Variants in KAZN observed in about 807,000 individuals in gnomAD.
KAZN encodes kazrin.
In KAZN, 40 loss-of-function variants were observed where a neutral mutation model predicts 87.4. The ratio of observed to expected loss-of-function variants is 0.46; its 90% CI spans 0.36 to 0.60. KAZN has a LOEUF of 0.60. Ranked by LOEUF, KAZN falls within the 20% of genes least tolerant of loss-of-function variation. The pLI is 0.00. For synonymous variants in KAZN, 466 were observed against 458.3 expected (o/e 1.02, Z -0.22); for missense variants, 898 against 1,073.9 (o/e 0.84, Z 2.29).
At chr1:13,914,942 C>A (rs958097972) in intron 1 of KAZN, among the ~76,000 whole-genome samples, 4 of 152,192 alleles carry the variant, frequency 2.6e-5, no homozygotes, top group African/African-American at 7.2e-5. Flanking sequence ...TCTATTGCAG[C>A]CTGAGACCCT....
At chr1:13,963,560 G>T (rs988169046) in intron 1 of KAZN, among the ~76,000 whole-genome samples, 9 of 151,984 alleles carry the variant, frequency 5.9e-5, no homozygotes, top group African/African-American at 2.2e-4. Context: ...TGTTCCTCTG[G>T]CTCCTTTATG....
At chr1:14,885,380 A>C (rs769612186) in intron 1 of KAZN, among the ~76,000 whole-genome samples, 15 of 151,954 alleles carry the variant, frequency 9.9e-5, no homozygotes, top group Non-Finnish European at 1.8e-4. Context: ...CTCTCCACCT[A>C]TTGAACTCCT....
At chr1:14,318,944 C>A (rs1655844630) in intron 2 of KAZN, among the ~76,000 whole-genome samples, 1 of 151,668 alleles carries the variant, frequency 6.6e-6, no homozygotes, top group Non-Finnish European at 1.5e-5. Context: ...TTAAAAACAA[C>A]TTTTAAAATC....
chr1:14,079,176 G>T (rs1318229015), intron 1 of KAZN, among the ~76,000 whole-genome samples: 3 of 152,228 alleles, frequency 2.0e-5, no homozygotes, highest in Admixed American at 6.5e-5. Flanking sequence ...ATTGCAGAAG[G>T]CAGAGAAGGA....
At chr1:14,542,432 C>T (rs536718417) in intron 2 of KAZN, among the ~76,000 whole-genome samples, 1 of 151,850 alleles carries the variant, frequency 6.6e-6, no homozygotes, top group Admixed American at 6.6e-5. Context: ...TACCCTAAAA[C>T]TTAAAGTGTA....
chr1:15,043,674 C>T (rs1368291236), intron 3 of KAZN, among the ~76,000 whole-genome samples: 4 of 134,908 alleles, frequency 3.0e-5, no homozygotes, highest in Admixed American at 8.2e-5. Flanking sequence ...GACAGAGTCT[C>T]GCTCTGTCGC....
intron 1 of KAZN, among the ~76,000 whole-genome samples, chr1:13,954,277 C>T (rs1030226909): frequency 3.3e-5 from 5 of 152,286 alleles, no homozygotes; most frequent in African/African-American, 1.2e-4. Flanking sequence ...AACACAAAAC[C>T]GCATCATGTG....
intron 1 of KAZN, among the ~76,000 whole-genome samples, chr1:14,672,148 C>T (rs924372791): frequency 6.6e-6 from 1 of 152,042 alleles, no homozygotes; most frequent in South Asian, 2.1e-4. Context: ...GTCTAATGTG[C>T]GTAATGTAGA....
Position 14,735,070 on chromosome 1 carries a change from T to G in KAZN, c.226+135847T>G, listed in dbSNP as rs553972182. Among the ~76,000 whole-genome samples the G allele has an allele frequency of 6.6e-6, 1 of 152,252 alleles. No individual in the cohort carries two copies. The highest frequency in any genetic ancestry group is 1.9e-4 in the East Asian group (1 of 5,164). ...AAATGGTCATGCTGGTTTTTTTTGT[T>G]TTGTTTTGAGACGGAGTCTCGCTCT... On this transcript the variant is annotated intron_variant, in intron 1 of 14. Transcript: ENST00000376030. This position sits in a 1 kb window ranked among gnomAD's most constrained non-coding sequence, Gnocchi z 4.3.
chr1:14,247,031 C>T (rs1216678796), intron 2 of KAZN, among the ~76,000 whole-genome samples: 2 of 152,232 alleles, frequency 1.3e-5, no homozygotes, highest in African/African-American at 4.8e-5. Context: ...TTGTTCACAT[C>T]CTTGCCAAGG....
At chr1:14,653,005 G>A (rs1638551529) in intron 1 of KAZN, among the ~76,000 whole-genome samples, 1 of 152,066 alleles carries the variant, frequency 6.6e-6, no homozygotes, top group Admixed American at 6.6e-5. Context: ...GAGAAATTCT[G>A]CTGACTCCGG....
intron 2 of KAZN, among the ~76,000 whole-genome samples, chr1:14,469,698 G>C (rs1668345854): frequency 6.6e-6 from 1 of 152,162 alleles, no homozygotes; most frequent in Admixed American, 6.5e-5. Flanking sequence ...ATTTTCCCTT[G>C]AACATGTCCT....
intron 1 of KAZN, among the ~76,000 whole-genome samples, chr1:14,858,972 C>A (rs1048535338): frequency 6.6e-6 from 1 of 151,996 alleles, no homozygotes; most frequent in African/African-American, 2.4e-5. Flanking sequence ...TTTGGGAGGC[C>A]GAGGCGGGTG....
intron 1 of KAZN, among the ~76,000 whole-genome samples, chr1:13,964,523 T>C (rs1224342772): frequency 6.6e-6 from 1 of 152,210 alleles, no homozygotes; most frequent in Non-Finnish European, 1.5e-5. Flanking sequence ...CTCATTCATG[T>C]GTCTGTGGTT....
chr1:14,794,339 G>A (rs1645768785), intron 1 of KAZN, among the ~76,000 whole-genome samples: 1 of 152,232 alleles, frequency 6.6e-6, no homozygotes, highest in Admixed American at 6.5e-5. Flanking sequence ...CCCTGGTAGA[G>A]TGTCTACTAC....
At chr1:14,310,485 G>A (rs1655207995) in intron 2 of KAZN, among the ~76,000 whole-genome samples, 1 of 152,086 alleles carries the variant, frequency 6.6e-6, no homozygotes, top group African/African-American at 2.4e-5. Flanking sequence ...CTCTCTATTG[G>A]TTCCGTGGAA....
At chr1:14,692,237 T>A in intron 1 of KAZN, 1 of 680,170 alleles carries the variant, frequency 1.5e-6, no homozygotes, top group Non-Finnish European at 2.2e-6. Context: ...AATATGCAGC[T>A]TCCAACCTGC....
intron 1 of KAZN, among the ~76,000 whole-genome samples, chr1:14,719,457 A>C (rs1411757058): frequency 6.6e-6 from 1 of 152,220 alleles, no homozygotes; most frequent in African/African-American, 2.4e-5. Context: ...AGTGCTATGG[A>C]GAAACAGGAG....
intron 1 of KAZN, among the ~76,000 whole-genome samples, chr1:13,927,758 C>T (rs776723881): frequency 2.6e-5 from 4 of 152,076 alleles, no homozygotes; most frequent in East Asian, 1.9e-4. Context: ...TTTAGAAGGT[C>T]GCATAGCAAC....
Sources: allele counts gnomAD v4.1 joint callset (sites outside exome capture counted in the v4.1 genomes callset), GRCh38; gene constraint gnomAD v4.1.1; non-coding constraint Gnocchi (gnomAD v3.1); transcripts MANE v1.5; gene names NCBI Gene and HGNC (gene_info 2026-07-23, HGNC 2026-07-21).